The following LHX8 variants were observed in gnomAD, a reference collection of about 807,000 sequenced individuals.
LHX8 encodes LIM/homeobox protein Lhx8.
Under a neutral mutation model 40.3 loss-of-function variants are expected in LHX8, and 12 were observed. The observed-to-expected ratio is 0.30, with a 90% CI of 0.19 to 0.48. The LOEUF is 0.48. Ranked by LOEUF, LHX8 falls within the 20% of genes least tolerant of loss-of-function variation. The pLI is 0.99. For synonymous variants in LHX8, 179 were observed against 162.0 expected, an observed-to-expected ratio of 1.10 and a Z score of -0.80; for missense variants, 344 against 433.7, an observed-to-expected ratio of 0.79 and a Z score of 1.84.
At chr1:75,199,023 T>C in the LHX8 span, among the ~76,000 whole-genome samples, 6 of 152,232 alleles carry the variant, frequency 3.9e-5, no homozygotes, top group Non-Finnish European at 8.8e-5. Flanking sequence ...CTTTTTTGTT[T>C]GTTTAGGCTA....
intron 7 of LHX8, among the ~76,000 whole-genome samples, chr1:75,151,243 A>G (rs1002671987): frequency 6.6e-6 from 1 of 152,214 alleles, no homozygotes; most frequent in Non-Finnish European, 1.5e-5. Context: ...TAGGGTTCAC[A>G]GTGTTTTAAT....
chr1:75,152,501 ACAT>A (rs1273734047), intron 7 of LHX8, among the ~76,000 whole-genome samples: 4 of 152,182 alleles, frequency 2.6e-5, no homozygotes, highest in African/African-American at 9.7e-5. Flanking sequence ...TTCCATATTA[ACAT>A]CATATTTATT....
At chr1:75,188,618 C>T in the LHX8 span, among the ~76,000 whole-genome samples, 2 of 152,182 alleles carry the variant, frequency 1.3e-5, no homozygotes, top group South Asian at 2.1e-4. Context: ...TTCCTGGGCC[C>T]AGTGCTCCCT....
chr1:75,190,433 C>T, the LHX8 span, among the ~76,000 whole-genome samples: 2 of 152,070 alleles, frequency 1.3e-5, no homozygotes, highest in Non-Finnish European at 2.9e-5. Context: ...ATTACTCCTC[C>T]CAAATTTGGA....
intron 2 of LHX8, 115 bp from the exon 3 acceptor site, chr1:75,136,985 G>C (rs1648161061): frequency 8.5e-7 from 1 of 1,183,186 alleles, no homozygotes; most frequent in East Asian, 2.6e-5. Context: ...AGCTGGGGGT[G>C]GGGTGGGGTG....
downstream of LHX8, among the ~76,000 whole-genome samples, chr1:75,165,718 A>G (rs1374380075): frequency 6.6e-6 from 1 of 152,196 alleles, no homozygotes; most frequent in East Asian, 1.9e-4. Context: ...AGGGTGGTAG[A>G]AAAACAATCA....
chr1:75,145,508 T>G (rs1195673947), intron 6 of LHX8, among the ~76,000 whole-genome samples: 1 of 152,138 alleles, frequency 6.6e-6, no homozygotes. Context: ...GGGAATAATA[T>G]TTGTGGAGGT....
chr1:75,148,796 G>A, intron 7 of LHX8, 114 bp downstream of exon 7: 1 of 728,698 alleles, frequency 1.4e-6, no homozygotes, highest in Non-Finnish European at 2.4e-6. Flanking sequence ...TCCCACCTCA[G>A]CCTCCCAAAG....
At chr1:75,133,189 A>G (rs930125096), upstream of LHX8, 1 of 152,258 alleles carries the variant, frequency 6.6e-6, no homozygotes, top group Admixed American at 6.5e-5. Flanking sequence ...CTGCGCGAAA[A>G]GAAAAACAAT....
chr1:75,140,695 TTAAG>T (rs1200171516), intron 3 of LHX8, among the ~76,000 whole-genome samples: 4 of 152,040 alleles, frequency 2.6e-5, no homozygotes, highest in Non-Finnish European at 2.9e-5. Flanking sequence ...AAGATTCCAT[TTAAG>T]AAAGAAAGAA....
chr1:75,181,973 C>A, the LHX8 span, among the ~76,000 whole-genome samples: 2 of 152,098 alleles, frequency 1.3e-5, no homozygotes, highest in African/African-American at 4.8e-5. Flanking sequence ...CTGATTATTT[C>A]TTTTGCTGTA....
At chr1:75,163,018 C>CTT (rs11379344), downstream of LHX8, among the ~76,000 whole-genome samples, 5,799 of 143,596 alleles carry the variant, frequency 0.04, 155 homozygotes, top group Middle Eastern at 0.059. Context: ...GGTAGGATAC[C>CTT]TTTTTTTTTT....
chr1:75,181,260 T>G, the LHX8 span, among the ~76,000 whole-genome samples: 3 of 152,146 alleles, frequency 2.0e-5, no homozygotes, highest in Non-Finnish European at 4.4e-5. Flanking sequence ...CAGACAGAGA[T>G]GTTTAAGTCT....
intron 6 of LHX8, among the ~76,000 whole-genome samples, chr1:75,144,798 G>C (rs1648417671): frequency 6.6e-6 from 1 of 152,018 alleles, no homozygotes; most frequent in Admixed American, 6.6e-5. Context: ...CTTATACATA[G>C]TATCCATCTT....
At chr1:75,177,290 T>A in the LHX8 span, among the ~76,000 whole-genome samples, 1 of 152,206 alleles carries the variant, frequency 6.6e-6, no homozygotes, top group Non-Finnish European at 1.5e-5. Flanking sequence ...ACGATATTGA[T>A]TCTTCCTATC....
Position 75,143,887 on chromosome 1 carries a change from A to C in LHX8, c.623A>C (p.Asp208Ala), listed in dbSNP as rs771240386. 8 of 1,613,316 alleles carry C rather than the reference A, an allele frequency of 5.0e-6. No individual in the cohort carries two copies. The highest frequency in any genetic ancestry group is 1.6e-4 in the Middle Eastern group (1 of 6,080). Residue 208 changes from aspartate (D) to alanine (A), a missense_variant, in exon 6 of 9, where the codon GAT becomes GCT. Asp to Ala is a moderately radical substitution (Grantham distance 126). Coordinates refer to ENST00000356261, the MANE Select transcript of LHX8 (RefSeq NM_001256114.2). ...GAAGGTGCCCTCCTCACAGAGCAAGATGTTAACCATCCAAAACCAGCAAAA... is the reference window on the plus strand; with the variant it reads ...GAAGGTGCCCTCCTCACAGAGCAAGCTGTTAACCATCCAAAACCAGCAAAA... The part of the protein sequence containing the change: ...SVEGALLTEQ[D>A]VNHPKPAKRA...
intron 5 of LHX8, 44 bp from the exon 6 acceptor site, chr1:75,143,801 C>G (rs759779049): frequency 4.4e-6 from 6 of 1,367,048 alleles, no homozygotes; most frequent in South Asian, 3.5e-5. Flanking sequence ...GATGGGTGTA[C>G]CCATTTGAAT....
the LHX8 span, among the ~76,000 whole-genome samples, chr1:75,199,031 C>T: frequency 7.2e-5 from 11 of 152,140 alleles, no homozygotes; most frequent in Non-Finnish European, 1.0e-4. Context: ...TTTGTTTAGG[C>T]TAAATGCAAA....
the LHX8 span, among the ~76,000 whole-genome samples, chr1:75,182,841 G>T: frequency 6.6e-6 from 1 of 152,058 alleles, no homozygotes; most frequent in Non-Finnish European, 1.5e-5. Context: ...TGAATTTTAG[G>T]ATTGTTTTCA....
Sources: allele counts gnomAD v4.1 joint callset (sites outside exome capture counted in the v4.1 genomes callset), GRCh38; gene constraint gnomAD v4.1.1; transcripts MANE v1.5; gene names NCBI Gene and HGNC (gene_info 2026-07-23, HGNC 2026-07-21).